The following MCUB variants were observed in gnomAD, a reference collection of about 807,000 sequenced individuals.
MCUB encodes calcium uniporter regulatory subunit MCUb, mitochondrial.
A neutral mutation model predicts 41.4 loss-of-function variants in MCUB; 46 were observed. The observed-to-expected ratio is 1.11, with a 90% CI of 0.88 to 1.42. The LOEUF is 1.42. Among genes scored for constraint, MCUB ranks in the 40% most tolerant of loss-of-function variants. The probability of loss-of-function intolerance (pLI) is 0.00; values close to 1 mark genes in which losing one functional copy is unlikely to be tolerated. For missense variants in MCUB, 403 were observed against 404.9 expected (o/e 1.00, Z 0.04); for synonymous variants, 148 against 148.2 (o/e 1.00, Z 0.01).
At chr4:109,631,528 C>A (rs981751725) in intron 1 of MCUB, among the ~76,000 whole-genome samples, 3 of 152,032 alleles carry the variant, frequency 2.0e-5, no homozygotes, top group Non-Finnish European at 4.4e-5. Flanking sequence ...AATACATGTT[C>A]GCAGGATTTT....
rs151308411 is a variant in MCUB at position 109,584,936 on chromosome 4, G to C, written c.99+24500G>C. Among the ~76,000 whole-genome samples the C allele has an allele frequency of 9.0e-3, 1,371 of 152,274 alleles. 13 individuals carry two copies. The highest frequency in any genetic ancestry group is 0.032 in the African/African-American group (1,325 of 41,546). On this transcript the variant is annotated intron_variant, in intron 1 of 7. Coordinates refer to ENST00000394650, the MANE Select transcript of MCUB (RefSeq NM_017918.5). ...GAAGAATGTATATTCTGTTGCTTTG[G>C]GGTGGAGAGTTCTGTAGGTGTCTAT...
chr4:109,664,203 C>T, intron 3 of MCUB, 87 bp from the exon 4 acceptor site: 1 of 730,664 alleles, frequency 1.4e-6, no homozygotes, highest in South Asian at 1.5e-5. Context: ...ATTGTAAAGA[C>T]CTGGGTTAGT....
At chr4:109,660,642 C>T (rs1044864643) in intron 3 of MCUB, among the ~76,000 whole-genome samples, 6 of 151,936 alleles carry the variant, frequency 3.9e-5, no homozygotes, top group African/African-American at 1.5e-4. Flanking sequence ...CATGGAGAAA[C>T]CCCGTCTCTA....
intron 1 of MCUB, among the ~76,000 whole-genome samples, chr4:109,571,201 T>A (rs1158409771): frequency 6.6e-6 from 1 of 152,224 alleles, no homozygotes; most frequent in African/African-American, 2.4e-5. Context: ...TGTTTTTCCT[T>A]CTTTTTCCTT....
At chr4:109,610,619 A>G (rs1225517698) in intron 1 of MCUB, among the ~76,000 whole-genome samples, 1 of 152,212 alleles carries the variant, frequency 6.6e-6, no homozygotes, top group African/African-American at 2.4e-5. Flanking sequence ...TGAGATGTAC[A>G]TAAAAAGATA....
chr4:109,662,504 A>G (rs1729250723), intron 3 of MCUB, among the ~76,000 whole-genome samples: 1 of 152,214 alleles, frequency 6.6e-6, no homozygotes, highest in Non-Finnish European at 1.5e-5. Context: ...TGAAACAGAA[A>G]GCACAAAGAA....
At chr4:109,676,443 A>G (rs1729579443) in intron 4 of MCUB, among the ~76,000 whole-genome samples, 1 of 152,194 alleles carries the variant, frequency 6.6e-6, no homozygotes, top group African/African-American at 2.4e-5. Flanking sequence ...GGAATATCTT[A>G]CTGGAAGCTG....
intron 1 of MCUB, among the ~76,000 whole-genome samples, chr4:109,615,897 G>T (rs908930399): frequency 6.6e-6 from 1 of 152,196 alleles, no homozygotes; most frequent in African/African-American, 2.4e-5. Flanking sequence ...GGACTCTTGA[G>T]CAACACCTGT....
chr4:109,569,098 G>A (rs1726848624), intron 1 of MCUB, among the ~76,000 whole-genome samples: 2 of 152,120 alleles, frequency 1.3e-5, no homozygotes, highest in African/African-American at 2.4e-5. Context: ...CCAGGCTGGA[G>A]TGCAGTGACA....
intron 1 of MCUB, among the ~76,000 whole-genome samples, chr4:109,636,834 CAAA>C (rs1484981863): frequency 6.6e-6 from 1 of 152,062 alleles, no homozygotes; most frequent in African/African-American, 2.4e-5. Context: ...GACTCCATCT[CAAA>C]AAACAACAAC....
At chr4:109,676,048 A>C (rs981428892) in intron 4 of MCUB, among the ~76,000 whole-genome samples, 3 of 152,220 alleles carry the variant, frequency 2.0e-5, no homozygotes, top group African/African-American at 7.2e-5. Context: ...AAACATCTGA[A>C]AAGGTGGAAG....
intron 1 of MCUB, among the ~76,000 whole-genome samples, chr4:109,583,400 C>A (rs1218898470): frequency 1.3e-5 from 2 of 152,104 alleles, no homozygotes; most frequent in African/African-American, 4.8e-5. Context: ...GTGATTTTTG[C>A]ACATTCATTT....
At chr4:109,633,813 A>G (rs1478679422) in intron 1 of MCUB, among the ~76,000 whole-genome samples, 3 of 152,088 alleles carry the variant, frequency 2.0e-5, no homozygotes, top group Non-Finnish European at 2.9e-5. Context: ...GTGCTTGACA[A>G]TAATTGGCTT....
At chr4:109,644,461 T>C (rs1292827977) in intron 1 of MCUB, among the ~76,000 whole-genome samples, 1 of 152,222 alleles carries the variant, frequency 6.6e-6, no homozygotes, top group Non-Finnish European at 1.5e-5. Context: ...TTAAAAACTT[T>C]GCATAAACAA....
intron 1 of MCUB, among the ~76,000 whole-genome samples, chr4:109,604,088 C>T (rs1184453813): frequency 6.6e-6 from 1 of 151,874 alleles, no homozygotes; most frequent in Non-Finnish European, 1.5e-5. Flanking sequence ...ACCTTACCCC[C>T]AACCCCGTGC....
At chr4:109,569,735 T>C (rs1447912241) in intron 1 of MCUB, among the ~76,000 whole-genome samples, 1 of 151,692 alleles carries the variant, frequency 6.6e-6, no homozygotes, top group Non-Finnish European at 1.5e-5. Flanking sequence ...ACCCCTGACC[T>C]CAGGTGATTG....
At chr4:109,603,166 A>T (rs1166086875) in intron 1 of MCUB, among the ~76,000 whole-genome samples, 2 of 152,156 alleles carry the variant, frequency 1.3e-5, no homozygotes, top group Non-Finnish European at 2.9e-5. Flanking sequence ...GACTGTACTG[A>T]CACGATCTCG....
intron 1 of MCUB, among the ~76,000 whole-genome samples, chr4:109,566,785 G>C (rs1410639293): frequency 6.6e-6 from 1 of 152,202 alleles, no homozygotes; most frequent in Non-Finnish European, 1.5e-5. Context: ...GGTAGGGCCA[G>C]GTTGGCAGGC....
intron 1 of MCUB, among the ~76,000 whole-genome samples, chr4:109,574,525 G>A (rs1726986157): frequency 6.6e-6 from 1 of 152,166 alleles, no homozygotes; most frequent in South Asian, 2.1e-4. Flanking sequence ...CCCGAACCAG[G>A]AAGCAAAATC....
Sources: allele counts gnomAD v4.1 joint callset (sites outside exome capture counted in the v4.1 genomes callset), GRCh38; gene constraint gnomAD v4.1.1; transcripts MANE v1.5; gene names NCBI Gene and HGNC (gene_info 2026-07-23, HGNC 2026-07-21).